The following CNTN4 variants were observed in gnomAD, a reference collection of about 807,000 sequenced individuals.
CNTN4 encodes the protein contactin-4.
CNTN4 carries 77 observed loss-of-function variants against 122.5 expected under a neutral mutation model. The observed-to-expected ratio is 0.63, with a 90% confidence interval of 0.52 to 0.76. The LOEUF is 0.76. Ranked by LOEUF, CNTN4 falls within the 30% of genes least tolerant of loss-of-function variation. CNTN4 has a pLI of 0.00. For synonymous variants in CNTN4, 512 were observed against 447.0 expected (o/e 1.15, Z -1.83); for missense variants, 1,256 against 1,259.1 (o/e 1.00, Z 0.04).
chr3:2,449,280 C>T lies in CNTN4; in HGVS notation c.-89+110047C>T, dbSNP rs867234789. 5.3e-5 allele frequency among the ~76,000 whole-genome samples: 8 copies of T among 152,240 alleles called. No individual in the cohort carries two copies. In the Middle Eastern group the frequency reaches 0.017, roughly 326 times the overall value. On this transcript the variant is annotated intron_variant, in intron 3 of 24. Transcript: ENST00000418658. ...TAATGGGCATTTGGGTTGTTTTCAG[C>T]TATTGACTATTGTGAATAATACTGC...
chr3:2,384,658 GA>G (rs937434749), intron 3 of CNTN4, among the ~76,000 whole-genome samples: 1 of 151,978 alleles, frequency 6.6e-6, no homozygotes, highest in Non-Finnish European at 1.5e-5. Context: ...TATGACACCT[GA>G]ATAGGACTCT....
intron 5 of CNTN4, among the ~76,000 whole-genome samples, chr3:2,738,630 G>T (rs2089280632): frequency 6.6e-6 from 1 of 152,076 alleles, no homozygotes; most frequent in African/African-American, 2.4e-5. Context: ...GTCTTGTGAA[G>T]ATAAAAAGAA....
intron 4 of CNTN4, among the ~76,000 whole-genome samples, chr3:2,696,029 A>G (rs1028175550): frequency 1.3e-5 from 2 of 152,174 alleles, no homozygotes; most frequent in Admixed American, 6.5e-5. Context: ...TGTATGCATT[A>G]TGTGTATATG....
rs185213355 is a variant in CNTN4 at position 2,156,666 on chromosome 3, A to G, written c.-145+56027A>G. Among the ~76,000 whole-genome samples, 8 of 152,300 alleles carry G rather than the reference A, an allele frequency of 5.3e-5. No homozygotes were observed. The East Asian group carries it at 5.8e-4, about 11-fold the overall frequency. On this transcript the variant is annotated intron_variant, in intron 2 of 24. Transcript: ENST00000418658. ...AAATGTTTGTTTTGGAGATGAGGAA[A>G]TGGAGGCAGAGAGAAGGCAAGTCAT...
At chr3:2,368,974 G>T (rs1289858415) in intron 3 of CNTN4, among the ~76,000 whole-genome samples, 1 of 152,104 alleles carries the variant, frequency 6.6e-6, no homozygotes, top group Non-Finnish European at 1.5e-5. Context: ...GCCCAGGTTG[G>T]AGTGCAGTGG....
intron 7 of CNTN4, chr3:2,866,392 C>G: frequency 1.0e-6 from 1 of 981,544 alleles, no homozygotes. Context: ...ATTACTATAT[C>G]AAGATTATAG....
At chr3:3,026,015 C>A in intron 14 of CNTN4, 87 bp from the exon 15 acceptor site, 2 of 1,286,554 alleles carry the variant, frequency 1.6e-6, no homozygotes, top group Non-Finnish European at 2.2e-6. Flanking sequence ...CTTAGTATTT[C>A]ATCCTGCTCT....
chr3:2,821,237 A>C (rs959055658), intron 7 of CNTN4, among the ~76,000 whole-genome samples: 15 of 152,232 alleles, frequency 9.9e-5, no homozygotes, highest in Admixed American at 5.2e-4. Flanking sequence ...GATTACAGGC[A>C]TGAGTCACTG....
At chr3:2,304,772 T>C (rs1208511442) in intron 2 of CNTN4, among the ~76,000 whole-genome samples, 1 of 150,602 alleles carries the variant, frequency 6.6e-6, no homozygotes, top group Non-Finnish European at 1.5e-5. Flanking sequence ...GAGACATAAA[T>C]TACAATGGAG....
At chr3:2,934,971 A>C (rs1252528626) in intron 13 of CNTN4, among the ~76,000 whole-genome samples, 1 of 109,094 alleles carries the variant, frequency 9.2e-6, no homozygotes, top group Non-Finnish European at 2.0e-5. Flanking sequence ...TCTCTCCTAG[A>C]GCCATGGATA....
At chr3:2,103,291 A>T (rs1332918157) in intron 2 of CNTN4, among the ~76,000 whole-genome samples, 2 of 152,088 alleles carry the variant, frequency 1.3e-5, no homozygotes, top group East Asian at 3.9e-4. Context: ...TTAAAATACT[A>T]AAGTAGAAAA....
At chr3:2,929,475 T>C (rs928559434) in intron 13 of CNTN4, among the ~76,000 whole-genome samples, 8 of 152,192 alleles carry the variant, frequency 5.3e-5, no homozygotes, top group Non-Finnish European at 1.2e-4. Context: ...CCAGGGTGGA[T>C]GCTTTTGGTT....
At chr3:3,036,865 T>C (rs1574888817) in intron 17 of CNTN4, among the ~76,000 whole-genome samples, 1 of 152,190 alleles carries the variant, frequency 6.6e-6, no homozygotes, top group African/African-American at 2.4e-5. Flanking sequence ...TCTGGCACTA[T>C]ACAATAAATG....
intron 4 of CNTN4, among the ~76,000 whole-genome samples, chr3:2,614,583 G>C (rs992596447): frequency 8.2e-4 from 125 of 152,234 alleles, no homozygotes; most frequent in Non-Finnish European, 4.3e-4. Context: ...AGATAGGATG[G>C]AAGAAGTGAG....
At chr3:2,673,879 T>C (rs1430047800) in intron 4 of CNTN4, among the ~76,000 whole-genome samples, 2 of 152,102 alleles carry the variant, frequency 1.3e-5, no homozygotes, top group African/African-American at 4.8e-5. Flanking sequence ...GCTTCCACTT[T>C]TGTCATCTTG....
chr3:2,719,638 G>T lies in CNTN4; in HGVS notation c.56-16577G>T, dbSNP rs1286750741. ...GGGGTTTCACCATGTTGGCCAGGCT[G>T]GTCTCAAACCCCTGACCTCAGGCGA... On this transcript the variant is annotated intron_variant, in intron 4 of 24. Coordinates refer to ENST00000418658, the MANE Select transcript of CNTN4 (RefSeq NM_175607.3). 2.6e-5 allele frequency among the ~76,000 whole-genome samples: 4 copies of T among 152,154 alleles called. No individual in the cohort carries two copies. In the East Asian group the frequency reaches 7.7e-4, roughly 29 times the overall value.
chr3:2,131,067 G>A (rs1327543799), intron 2 of CNTN4, among the ~76,000 whole-genome samples: 2 of 152,192 alleles, frequency 1.3e-5, no homozygotes, highest in African/African-American at 2.4e-5. Flanking sequence ...CATGTATTGT[G>A]TTTATTCCAA....
At chr3:2,923,591 GTA>G (rs1439970853) in intron 12 of CNTN4, among the ~76,000 whole-genome samples, 2 of 152,088 alleles carry the variant, frequency 1.3e-5, no homozygotes, top group African/African-American at 4.8e-5. Context: ...GTGTGGCCAC[GTA>G]CTCCAACATG....
intron 19 of CNTN4, chr3:3,039,820 C>A: frequency 1.8e-6 from 1 of 549,940 alleles, no homozygotes; most frequent in South Asian, 1.9e-5. Context: ...AAGCTCTGGA[C>A]TGCAGATCCT....
Sources: allele counts gnomAD v4.1 joint callset (sites outside exome capture counted in the v4.1 genomes callset), GRCh38; gene constraint gnomAD v4.1.1; transcripts MANE v1.5; gene names NCBI Gene and HGNC (gene_info 2026-07-23, HGNC 2026-07-21).